ZFAT: variants seen among roughly 807,000 people sequenced by gnomAD.
ZFAT encodes zinc finger protein ZFAT.
Under a neutral mutation model 117.7 loss-of-function variants are expected in ZFAT, and 64 were observed. The ratio of observed to expected loss-of-function variants is 0.54; its 90% CI spans 0.44 to 0.67. The LOEUF (loss-of-function observed/expected upper bound fraction) is 0.67, where lower values mean the gene tolerates loss of function less well. Ranked by LOEUF, ZFAT falls within the 30% of genes least tolerant of loss-of-function variation. The probability of loss-of-function intolerance (pLI) is 0.00; values close to 1 mark genes in which losing one functional copy is unlikely to be tolerated. For synonymous variants in ZFAT, 679 were observed against 615.0 expected (o/e 1.10, Z -1.54); for missense variants, 1,433 against 1,584.5 (o/e 0.90, Z 1.62).
At chr8:134,552,579 T>C (rs1243417391) in intron 11 of ZFAT, among the ~76,000 whole-genome samples, 1 of 152,216 alleles carries the variant, frequency 6.6e-6, no homozygotes, top group Non-Finnish European at 1.5e-5. Context: ...AAACATAAAC[T>C]TTAAATAGTG....
intron 4 of ZFAT, among the ~76,000 whole-genome samples, chr8:134,609,920 T>A (rs748418748): frequency 6.6e-6 from 1 of 152,142 alleles, no homozygotes; most frequent in African/African-American, 2.4e-5. Flanking sequence ...ACTGTCTTGA[T>A]CTTAAAAGAA....
intron 3 of ZFAT, 117 bp from the exon 4 acceptor site, chr8:134,610,772 G>A: frequency 8.4e-7 from 1 of 1,194,406 alleles, no homozygotes; most frequent in South Asian, 1.5e-5. Flanking sequence ...GGTCTGCAGT[G>A]CCACGCAGAC....
intron 7 of ZFAT, chr8:134,599,881 G>C (rs1442573862): frequency 2.3e-6 from 1 of 436,202 alleles, no homozygotes; most frequent in Non-Finnish European, 4.5e-6. Flanking sequence ...ATTTACCTTT[G>C]TGAATATTAA....
intron 1 of ZFAT, chr8:134,674,759 G>A: frequency 3.5e-6 from 1 of 287,748 alleles, no homozygotes; most frequent in Non-Finnish European, 6.9e-6. Flanking sequence ...GCTGGCATCT[G>A]GCAGGTGCCC....
Position 134,594,960 on chromosome 8 carries a change from T to C in ZFAT, c.2476-4605A>G, listed in dbSNP as rs1432376786. On this transcript the variant is annotated intron_variant, in intron 7 of 15. Coordinates refer to ENST00000377838, the MANE Select transcript of ZFAT (RefSeq NM_020863.4). ...CTGCACTTCCTGCTGCCTCACACTT[T>C]TGTGTCAGAAGGAACTTTAAATAAC... is the stretch of plus-strand genomic sequence containing the variant. 2.0e-5 allele frequency: 3 copies of C among 152,202 alleles called. No homozygotes were observed. In the East Asian group the frequency reaches 5.8e-4, roughly 29 times the overall value. The allele number at this position is 152,202 out of a possible 1,614,324, so 9.4% of individuals were successfully genotyped here.
chr8:134,707,906 T>C (rs139138144), intron 1 of ZFAT, among the ~76,000 whole-genome samples: 1 of 152,274 alleles, frequency 6.6e-6, no homozygotes, highest in Non-Finnish European at 1.5e-5. Context: ...ATGTTCACTG[T>C]TGTGCTATTC....
In ZFAT at chr8:134,512,485, G is replaced by A. The variant is rs1819928138; in HGVS notation, c.3351C>T (p.Thr1117=). The A allele has an allele frequency of 1.2e-6, 2 of 1,614,002 alleles. No homozygotes were observed. The highest frequency in any genetic ancestry group is 2.2e-5 in the South Asian group (2 of 91,078). The stretch of plus-strand genomic sequence containing the variant: ...ACCAGGCGTCCTCACCACTCTCAGA[G>A]GTGTATCTCAGGTCCTGGAGCGCGG... ...AVAALQDLRY[T]SESGDRLDPT... is the part of the protein sequence containing the mutation. Residue 1117 remains threonine (T), a synonymous_variant, in exon 14 of 16, where the codon ACC becomes ACT. Transcript: ENST00000377838.
chr8:134,756,957 T>G, the ZFAT span, among the ~76,000 whole-genome samples: 3 of 151,562 alleles, frequency 2.0e-5, no homozygotes, highest in African/African-American at 4.9e-5. Flanking sequence ...CGGCCTCAAT[T>G]ACAACCAAAT....
chr8:134,534,609 GA>G (rs1312627841), intron 11 of ZFAT, among the ~76,000 whole-genome samples: 1 of 149,620 alleles, frequency 6.7e-6, no homozygotes, highest in Admixed American at 6.7e-5. Flanking sequence ...GGGAGAGAGG[GA>G]AGAGAGGGAG....
At chr8:134,757,109 C>T in the ZFAT span, among the ~76,000 whole-genome samples, 5 of 150,850 alleles carry the variant, frequency 3.3e-5, no homozygotes, top group South Asian at 6.3e-4. Context: ...CTCTGCCTCC[C>T]GGGTTCAAGC....
chr8:134,530,800 C>G (rs1422353546), intron 12 of ZFAT, among the ~76,000 whole-genome samples: 1 of 140,244 alleles, frequency 7.1e-6, no homozygotes, highest in Admixed American at 7.2e-5. Context: ...CAAATTAAAA[C>G]CAAAGTATAA....
At chr8:134,794,987 A>G in the ZFAT span, 1 of 152,174 alleles carries the variant, frequency 6.6e-6, no homozygotes, top group African/African-American at 2.4e-5. Flanking sequence ...TTTTTATTTT[A>G]ATTTTTTTAA....
chr8:134,691,754 C>T (rs1017943129), intron 1 of ZFAT, among the ~76,000 whole-genome samples: 5 of 152,174 alleles, frequency 3.3e-5, no homozygotes, highest in Non-Finnish European at 7.4e-5. Flanking sequence ...ATTGGTTTAA[C>T]CTGTCTCCCT....
chr8:134,657,932 C>A lies in ZFAT; in HGVS notation c.20-195G>T, dbSNP rs371028862. On this transcript the variant is annotated intron_variant, in intron 1 of 15. Transcript: ENST00000377838. The stretch of plus-strand genomic sequence containing the variant: ...AGGGAGATCCAGGGGCCAGAAAGTT[C>A]TTTATTCAGTATCTCAACCCTCAGT... 2.6e-4 allele frequency among the ~76,000 whole-genome samples: 39 copies of A among 152,294 alleles called. 1 individual carries two copies. The highest frequency in any genetic ancestry group is 9.4e-4 in the African/African-American group (39 of 41,574).
At chr8:134,592,528 C>T (rs1335375043) in intron 7 of ZFAT, among the ~76,000 whole-genome samples, 1 of 152,168 alleles carries the variant, frequency 6.6e-6, no homozygotes, top group Non-Finnish European at 1.5e-5. Flanking sequence ...TCCGTTTCAT[C>T]ATCTGTAAAA....
At chr8:134,483,980 G>T (rs1817493985) in intron 15 of ZFAT, among the ~76,000 whole-genome samples, 1 of 152,152 alleles carries the variant, frequency 6.6e-6, no homozygotes, top group South Asian at 2.1e-4. Context: ...TCCCCTGCCT[G>T]TTCTGCCTTC....
Position 134,629,435 on chromosome 8 carries a change from T to C in ZFAT, c.448+8026A>G, listed in dbSNP as rs545940781. Among the ~76,000 whole-genome samples the C allele has an allele frequency of 7.2e-4, 110 of 152,144 alleles. 1 individual carries two copies. Among genetic ancestry groups the C allele is most frequent in the Admixed American group, 3.9e-4 (6 of 15,278 alleles). ...CGAGAATAGGGCAGAACTGCACTTC[T>C]TGGGCCCTTGAACTCAGGTGGGGCC... On this transcript the variant is annotated intron_variant, in intron 3 of 15. Coordinates refer to ENST00000377838, the MANE Select transcript of ZFAT (RefSeq NM_020863.4).
At chr8:134,770,269 G>A in the ZFAT span, among the ~76,000 whole-genome samples, 26 of 152,292 alleles carry the variant, frequency 1.7e-4, no homozygotes, top group East Asian at 1.5e-3. Flanking sequence ...GAATTGTTGC[G>A]GGAAGTCAGG....
At chr8:134,667,564 A>C (rs534836294) in intron 1 of ZFAT, among the ~76,000 whole-genome samples, 188 of 135,048 alleles carry the variant, frequency 1.4e-3, no homozygotes, top group Non-Finnish European at 2.6e-3. Context: ...CATATGTAAC[A>C]AACCTTCATG....
Sources: allele counts gnomAD v4.1 joint callset (sites outside exome capture counted in the v4.1 genomes callset), GRCh38; gene constraint gnomAD v4.1.1; transcripts MANE v1.5; gene names NCBI Gene and HGNC (gene_info 2026-07-23, HGNC 2026-07-21).